The following NEGR1 variants were observed in gnomAD, a reference collection of about 807,000 sequenced individuals.
The protein encoded by NEGR1 is neuronal growth regulator 1.
Under a neutral mutation model 40.9 loss-of-function variants are expected in NEGR1, and 10 were observed. The ratio of observed to expected loss-of-function variants is 0.24; its 90% CI spans 0.15 to 0.42. The LOEUF is 0.42. NEGR1 is among the 10% of genes least tolerant of loss of function. NEGR1 has a pLI of 1.00. For missense variants in NEGR1, 352 were observed against 438.9 expected, an observed-to-expected ratio of 0.80 and a Z score of 1.77; for synonymous variants, 185 against 166.8, an observed-to-expected ratio of 1.11 and a Z score of -0.84.
At chr1:71,736,596 C>A (rs1287221826) in intron 3 of NEGR1, among the ~76,000 whole-genome samples, 1 of 152,098 alleles carries the variant, frequency 6.6e-6, no homozygotes, top group East Asian at 1.9e-4. Flanking sequence ...AAAGCTGCCA[C>A]CTTTCAGGTT....
intron 1 of NEGR1, among the ~76,000 whole-genome samples, chr1:71,982,770 G>C (rs1227666805): frequency 6.6e-6 from 1 of 152,066 alleles, no homozygotes; most frequent in Non-Finnish European, 1.5e-5. Context: ...GAGAGTGCCT[G>C]CCACAAACAT....
At chr1:71,816,019 A>G (rs892290583) in intron 2 of NEGR1, among the ~76,000 whole-genome samples, 1 of 152,092 alleles carries the variant, frequency 6.6e-6, no homozygotes, top group African/African-American at 2.4e-5. Context: ...AGGTGCATCA[A>G]TAAAATCAAT....
chr1:72,191,998 C>T (rs1182453233), intron 1 of NEGR1, among the ~76,000 whole-genome samples: 2 of 151,896 alleles, frequency 1.3e-5, no homozygotes, highest in Admixed American at 6.6e-5. Flanking sequence ...ACTGTTTTAT[C>T]TCATATAAAA....
chr1:71,853,244 T>C (rs1659664128), intron 2 of NEGR1, among the ~76,000 whole-genome samples: 1 of 152,152 alleles, frequency 6.6e-6, no homozygotes, highest in Non-Finnish European at 1.5e-5. Flanking sequence ...AATGTTGGTA[T>C]ATTTTTACAG....
intron 6 of NEGR1, among the ~76,000 whole-genome samples, chr1:71,414,179 G>A (rs1023076109): frequency 3.3e-5 from 5 of 152,154 alleles, no homozygotes; most frequent in Non-Finnish European, 7.3e-5. Flanking sequence ...GGTGATTAAT[G>A]TGTACTCAAA....
intron 6 of NEGR1, among the ~76,000 whole-genome samples, chr1:71,586,492 G>T (rs1445677777): frequency 6.6e-6 from 1 of 152,148 alleles, no homozygotes; most frequent in African/African-American, 2.4e-5. Flanking sequence ...AAAGTTGGAA[G>T]AATTGACTAT....
At chr1:72,052,487 A>G (rs12074700) in intron 1 of NEGR1, among the ~76,000 whole-genome samples, 67,320 of 151,178 alleles carry the variant, frequency 0.45, 15,440 homozygotes, top group Admixed American at 0.5. Flanking sequence ...AAGAAGCCCT[A>G]ATTCCACTTC....
At chr1:71,795,356 T>C (rs1657282445) in intron 2 of NEGR1, among the ~76,000 whole-genome samples, 1 of 152,032 alleles carries the variant, frequency 6.6e-6, no homozygotes, top group Non-Finnish European at 1.5e-5. Context: ...ATAATTTATA[T>C]CTACATTAAA....
chr1:71,475,152 T>C (rs1398192132), intron 6 of NEGR1, among the ~76,000 whole-genome samples: 1 of 152,090 alleles, frequency 6.6e-6, no homozygotes, highest in East Asian at 1.9e-4. Context: ...AAGCAAATAA[T>C]AGCAAACATT....
intron 1 of NEGR1, among the ~76,000 whole-genome samples, chr1:72,212,862 C>CA (rs969962272): frequency 2.0e-4 from 30 of 149,196 alleles, no homozygotes; most frequent in African/African-American, 4.9e-4. Flanking sequence ...TGTAAAAATG[C>CA]AAAAAAAAAG....
intron 4 of NEGR1, among the ~76,000 whole-genome samples, chr1:71,644,464 C>T (rs562186651): frequency 1.4e-4 from 21 of 151,842 alleles, no homozygotes; most frequent in Non-Finnish European, 2.8e-4. Flanking sequence ...TTTTCTATTG[C>T]TTTTAATGCT....
chr1:72,035,520 C>T (rs937199819), intron 1 of NEGR1, among the ~76,000 whole-genome samples: 2 of 152,134 alleles, frequency 1.3e-5, no homozygotes, highest in African/African-American at 4.8e-5. Context: ...CATTCAGACT[C>T]AAAAGCTTAA....
intron 1 of NEGR1, chr1:72,101,077 T>C (rs980645949): frequency 6.6e-6 from 1 of 152,212 alleles, no homozygotes; most frequent in Non-Finnish European, 1.5e-5. Context: ...CACTGGGAGT[T>C]AGGGCTTGGA....
intron 6 of NEGR1, among the ~76,000 whole-genome samples, chr1:71,494,828 T>C (rs1008977671): frequency 1.6e-4 from 25 of 152,124 alleles, no homozygotes; most frequent in African/African-American, 5.8e-4. Context: ...ATATATTGAC[T>C]GTTCACCCTT....
At chr1:72,171,870 A>G (rs1395399392) in intron 1 of NEGR1, among the ~76,000 whole-genome samples, 1 of 152,174 alleles carries the variant, frequency 6.6e-6, no homozygotes, top group African/African-American at 2.4e-5. Context: ...CTATTCCTTC[A>G]ACAACTAAAC....
At chr1:72,194,723 T>C (rs1652941276) in intron 1 of NEGR1, among the ~76,000 whole-genome samples, 1 of 152,078 alleles carries the variant, frequency 6.6e-6, no homozygotes, top group Non-Finnish European at 1.5e-5. Flanking sequence ...GATTTTATAT[T>C]TGTCTTCCTT....
At chr1:71,571,135 T>C (rs1301855255) in intron 6 of NEGR1, 2 of 152,194 alleles carry the variant, frequency 1.3e-5, no homozygotes, top group Non-Finnish European at 2.9e-5. Context: ...TATTAGAAAG[T>C]AGGACACATT....
chr1:71,484,648 C>T (rs1646875465), intron 6 of NEGR1: 1 of 151,706 alleles, frequency 6.6e-6, no homozygotes, highest in Admixed American at 6.6e-5. Context: ...GCTGAATTCG[C>T]AATGTAGGTT....
At chr1:71,647,099 C>T (rs895577644) in intron 4 of NEGR1, among the ~76,000 whole-genome samples, 10 of 151,572 alleles carry the variant, frequency 6.6e-5, no homozygotes, top group Non-Finnish European at 1.0e-4. Context: ...AAAGCAAAAC[C>T]GAGAGAATTC....
Sources: allele counts gnomAD v4.1 joint callset (sites outside exome capture counted in the v4.1 genomes callset), GRCh38; gene constraint gnomAD v4.1.1; transcripts MANE v1.5; gene names NCBI Gene and HGNC (gene_info 2026-07-23, HGNC 2026-07-21).